Variants in OR3A3 observed in about 807,000 individuals in gnomAD.
OR3A3 encodes the protein olfactory receptor family 3 subfamily A member 3.
For synonymous variants in OR3A3, 103 were observed against 163.9 expected (o/e 0.63, Z 2.84); for missense variants, 275 against 391.4 (o/e 0.70, Z 2.51).
chr17:3,412,568 G>C (rs1006822782), intron 2 of OR3A3, among the ~76,000 whole-genome samples: 1 of 146,066 alleles, frequency 6.8e-6, no homozygotes, highest in African/African-American at 2.5e-5. Flanking sequence ...GTGCAGGAGG[G>C]CTCCCCAGTG....
chr17:3,415,158 C>T (rs1269989694), intron 2 of OR3A3, among the ~76,000 whole-genome samples: 3 of 151,908 alleles, frequency 2.0e-5, no homozygotes, highest in Non-Finnish European at 2.9e-5. Context: ...GAATTTTTTA[C>T]AATTATTTTT....
chr17:3,420,942 C>T (rs201896037), exon 3 of OR3A3: 342 of 1,611,002 alleles, frequency 2.1e-4, no homozygotes, highest in Non-Finnish European at 8.6e-5. Flanking sequence ...TCCTGCTGAC[C>T]GCCATGGCCT....
At chr17:3,422,774 C>A (rs2072443903) in exon 3 of OR3A3, 1 of 152,630 alleles carries the variant, frequency 6.6e-6, no homozygotes, top group Non-Finnish European at 1.5e-5. Context: ...CTGTGATTTC[C>A]TCTTGGGGTT....
At chr17:3,415,801 T>TAATA (rs1567583238) in intron 2 of OR3A3, among the ~76,000 whole-genome samples, 55 of 15,752 alleles carry the variant, frequency 3.5e-3, no homozygotes, top group African/African-American at 7.2e-3. Flanking sequence ...ATTTTTAAAT[T>TAATA]ATTATTATTA....
In OR3A3 at chr17:3,415,336, G is replaced by A. The variant is rs151040417; in HGVS notation, c.-7+3165G>A. ...AGCACTTTGGGAGGCCGAGGCGGGC[G>A]GATCACATGAGGTCAGGAGTTCGAG... On this transcript the variant is annotated intron_variant, in intron 2 of 2. Transcript: ENST00000641141. Among the ~76,000 whole-genome samples, 11 of 151,696 alleles carry A rather than the reference G, an allele frequency of 7.3e-5. No homozygotes were observed. In the East Asian group the frequency reaches 1.7e-3, roughly 24 times the overall value.
chr17:3,423,953 G>GAAAAAAA (rs148900480), exon 3 of OR3A3: 1 of 120,040 alleles, frequency 8.3e-6, no homozygotes, highest in Non-Finnish European at 1.7e-5. Flanking sequence ...CTCAAAAAAA[G>GAAAAAAA]AAAAAAAAAA....
At chr17:3,423,323 T>C (rs1018172502) in exon 3 of OR3A3, 1 of 152,424 alleles carries the variant, frequency 6.6e-6, no homozygotes, top group African/African-American at 2.4e-5. Context: ...ATCTACGCCG[T>C]GAGCATCTAA....
intron 2 of OR3A3, among the ~76,000 whole-genome samples, chr17:3,418,736 T>C (rs909867401): frequency 3.3e-5 from 5 of 152,166 alleles, no homozygotes; most frequent in African/African-American, 9.7e-5. Flanking sequence ...CCCTTTCTGT[T>C]AGAGTTATCA....
At chr17:3,416,106 C>T (rs530738732) in intron 2 of OR3A3, among the ~76,000 whole-genome samples, 2 of 151,974 alleles carry the variant, frequency 1.3e-5, no homozygotes, top group African/African-American at 4.8e-5. Flanking sequence ...GCCACTGCAC[C>T]TGGCCTACTT....
At chr17:3,413,368 C>T (rs1478240247) in intron 2 of OR3A3, among the ~76,000 whole-genome samples, 1 of 152,098 alleles carries the variant, frequency 6.6e-6, no homozygotes, top group East Asian at 1.9e-4. Context: ...GGAAAACTAT[C>T]GCAAAAATAT....
chr17:3,420,500 G>A (rs2072423980), intron 2 of OR3A3, 80 bp from the exon 3 acceptor site: 1 of 1,557,190 alleles, frequency 6.4e-7, no homozygotes, highest in African/African-American at 1.4e-5. Context: ...CTCGCCACGG[G>A]GCTTTGAACA....
chr17:3,416,871 A>AAAT lies in OR3A3; in HGVS notation c.-6-3708_-6-3706dup, dbSNP rs57029365. ...TTCTGGCTATTTTGAAATATACAAT[A>AAAT]AATTATTGTTAACTATAGTCTCCAT... On this transcript the variant is annotated intron_variant, in intron 2 of 2. Coordinates refer to ENST00000641141, the Ensembl canonical transcript of OR3A3. Among the ~76,000 whole-genome samples, 138 of 152,176 alleles carry AAAT rather than the reference A, an allele frequency of 9.1e-4. 1 individual carries two copies. The highest frequency in any genetic ancestry group is 2.6e-3 in the African/African-American group (109 of 41,524).
At chr17:3,414,000 C>T (rs1234195933) in intron 2 of OR3A3, among the ~76,000 whole-genome samples, 3 of 152,156 alleles carry the variant, frequency 2.0e-5, no homozygotes, top group Non-Finnish European at 4.4e-5. Flanking sequence ...TTGGAGACAT[C>T]CTCTTGCTGT....
chr17:3,413,883 G>T (rs368191554), intron 2 of OR3A3, among the ~76,000 whole-genome samples: 2 of 149,742 alleles, frequency 1.3e-5, no homozygotes, highest in Non-Finnish European at 3.0e-5. Context: ...AGAGATTACC[G>T]CATCCACATT....
exon 3 of OR3A3, chr17:3,422,345 G>T (rs1422951669): frequency 6.6e-6 from 1 of 152,060 alleles, no homozygotes; most frequent in South Asian, 2.1e-4. Context: ...CATCCCCTGC[G>T]GTATCTTTCT....
chr17:3,423,956 A>G (rs1026609652), exon 3 of OR3A3: 1 of 149,482 alleles, frequency 6.7e-6, no homozygotes, highest in Non-Finnish European at 1.5e-5. Context: ...AAAAAAAGAA[A>G]AAAAAAAAAA....
intron 2 of OR3A3, among the ~76,000 whole-genome samples, chr17:3,418,164 T>G (rs554485250): frequency 6.6e-6 from 1 of 152,346 alleles, no homozygotes; most frequent in South Asian, 2.1e-4. Flanking sequence ...GCCACAATTT[T>G]TCTTCTGAGT....
chr17:3,419,419 TA>T (rs2072412385), intron 2 of OR3A3, among the ~76,000 whole-genome samples: 1 of 152,240 alleles, frequency 6.6e-6, no homozygotes, highest in African/African-American at 2.4e-5. Context: ...ATTGACTTTT[TA>T]GATTCCACAT....
intron 2 of OR3A3, among the ~76,000 whole-genome samples, chr17:3,413,289 C>T (rs1425965402): frequency 6.6e-6 from 1 of 152,108 alleles, no homozygotes; most frequent in African/African-American, 2.4e-5. Context: ...GGGAAAGTTT[C>T]ACGGAAAGAT....
Sources: allele counts gnomAD v4.1 joint callset (sites outside exome capture counted in the v4.1 genomes callset), GRCh38; gene constraint gnomAD v4.1.1; transcripts MANE v1.5; gene names NCBI Gene and HGNC (gene_info 2026-07-23, HGNC 2026-07-21).